Variants in BIRC6 observed in about 807,000 individuals in gnomAD.
The protein encoded by BIRC6 is dual E2 ubiquitin-conjugating enzyme/E3 ubiquitin-protein ligase BIRC6.
Under a neutral mutation model 503.3 loss-of-function variants are expected in BIRC6, and 98 were observed. The observed-to-expected ratio is 0.19, with a 90% CI of 0.17 to 0.23. The LOEUF is 0.23. Ranked by LOEUF, BIRC6 falls within the 10% of genes least tolerant of loss-of-function variation. BIRC6 has a pLI of 1.00. For synonymous variants in BIRC6, 2,240 were observed against 2,078.7 expected (o/e 1.08, Z -2.11); for missense variants, 5,360 against 5,806.0 (o/e 0.92, Z 2.50).
chr2:32,582,697 G>A (rs1046415489), intron 66 of BIRC6, among the ~76,000 whole-genome samples: 1 of 152,064 alleles, frequency 6.6e-6, no homozygotes, highest in African/African-American at 2.4e-5. Context: ...CAGAGGTTGC[G>A]GTGAGCCAAG....
intron 66 of BIRC6, among the ~76,000 whole-genome samples, chr2:32,585,251 A>G (rs533127523): frequency 2.6e-4 from 40 of 152,294 alleles, no homozygotes; most frequent in Admixed American, 9.8e-4. Context: ...GATTGTGAGG[A>G]CTCAAAATTT....
rs748275957 is a variant in BIRC6 at position 32,501,914 on chromosome 2, A to T, written c.9207+26A>T. 8 of 1,565,546 alleles carry T rather than the reference A, an allele frequency of 5.1e-6. No individual in the cohort carries two copies. In the East Asian group the frequency reaches 1.8e-4, roughly 35 times the overall value. On this transcript the variant is annotated intron_variant, in intron 47 of 73. Transcript: ENST00000421745. Reference sequence around the variant, plus strand: ...GTAAGTTCAAGCCAACAACAGTTGCAGTGATTCAAATAAATTTATTGCGAT... The same window carrying T: ...GTAAGTTCAAGCCAACAACAGTTGCTGTGATTCAAATAAATTTATTGCGAT...
intron 59 of BIRC6, chr2:32,527,372 T>C (rs1485820616): frequency 6.6e-6 from 1 of 152,210 alleles, no homozygotes; most frequent in African/African-American, 2.4e-5. Flanking sequence ...CCATGTACTT[T>C]CCCTCAGATG....
chr2:32,491,310 C>T (rs868613872), intron 43 of BIRC6, 115 bp from the exon 44 acceptor site: 4 of 1,051,824 alleles, frequency 3.8e-6, no homozygotes, highest in South Asian at 3.7e-5. Flanking sequence ...CTTTAATAAA[C>T]TGTAATTACT....
rs760928707 is a variant in BIRC6 at position 32,430,969 on chromosome 2, C to A, written c.3127C>A (p.Pro1043Thr). ...TLTPRFSATVPPCWVEVQQEQ... is the reference protein window; with the variant it reads ...TLTPRFSATVTPCWVEVQQEQ... ...GACTCCAAGGTTTTCAGCGACTGTT[C>A]CTCCATGCTGGGTAGAAGTTCAACA... The change falls in exon 12 of 74, where the codon CCT (proline) becomes ACT (threonine). Residue 1043 changes from proline (P) to threonine (T), a missense_variant. This residue lies in a region of BIRC6 where 700 missense variants were observed against 739.3 expected (regional missense o/e 0.95). Transcript: ENST00000421745. 1 of 1,613,368 alleles carries A rather than the reference C, an allele frequency of 6.2e-7. No homozygotes were observed. The highest frequency in any genetic ancestry group is 1.7e-5 in the Admixed American group (1 of 59,974).
At chr2:32,378,268 G>C (rs2037115044) in intron 2 of BIRC6, among the ~76,000 whole-genome samples, 2 of 152,014 alleles carry the variant, frequency 1.3e-5, no homozygotes, top group South Asian at 4.2e-4. Context: ...CTACTCATTT[G>C]TTCTTGTTCT....
intron 66 of BIRC6, among the ~76,000 whole-genome samples, chr2:32,593,332 A>G (rs1443717314): frequency 4.6e-5 from 7 of 152,188 alleles, no homozygotes; most frequent in African/African-American, 1.7e-4. Context: ...AATACATCCT[A>G]TTGTGATAAC....
At chr2:32,519,288 A>G (rs1394989497) in intron 57 of BIRC6, 2 of 210,402 alleles carry the variant, frequency 9.5e-6, no homozygotes, top group Non-Finnish European at 2.0e-5. Context: ...ATTCTAATTA[A>G]TACACATTTA....
At chr2:32,522,299 C>T (rs1056293571) in intron 57 of BIRC6, 2 of 151,602 alleles carry the variant, frequency 1.3e-5, no homozygotes, top group Admixed American at 6.6e-5. Context: ...GTAAATTTTA[C>T]TTTTTGGGGT....
At chr2:32,616,586 T>G (rs946721005) in intron 73 of BIRC6, among the ~76,000 whole-genome samples, 2 of 142,624 alleles carry the variant, frequency 1.4e-5, no homozygotes, top group East Asian at 2.0e-4. Flanking sequence ...AAAAAAAAAA[T>G]TCTAATGATA....
chr2:32,493,412 A>G (rs2052003316), intron 44 of BIRC6, 128 bp from the exon 45 acceptor site: 5 of 761,768 alleles, frequency 6.6e-6, no homozygotes, highest in Non-Finnish European at 8.0e-6. Flanking sequence ...CATTGTTAAT[A>G]CTTTTGTTTT....
intron 42 of BIRC6, among the ~76,000 whole-genome samples, chr2:32,489,272 A>G (rs1378724416): frequency 6.6e-6 from 1 of 152,090 alleles, no homozygotes; most frequent in Non-Finnish European, 1.5e-5. Flanking sequence ...CTTTCTCTCT[A>G]TAGTGAGGCA....
chr2:32,509,990 T>C lies in BIRC6; in HGVS notation c.10233T>C (p.Pro3411=). Residue 3411 remains proline (P), a synonymous_variant, in exon 52 of 74, where the codon CCT becomes CCC. Transcript: ENST00000421745. ...ATTGTGCAGCATCAGGCAGTGATCC[T>C]ACAGGTGATAATTAACTTTGATATT... is the stretch of plus-strand genomic sequence containing the variant. ...LRNCAASGSD[P]TDLNSPLLFG... is the part of the protein sequence containing the mutation. 6.2e-7 allele frequency: 1 copy of C among 1,613,134 alleles called. No individual in the cohort carries two copies. Among genetic ancestry groups the C allele is most frequent in the Non-Finnish European group, 8.5e-7 (1 of 1,179,646 alleles).
At chr2:32,397,693 T>TACACACAC (rs148310332) in intron 6 of BIRC6, among the ~76,000 whole-genome samples, 26 of 144,724 alleles carry the variant, frequency 1.8e-4, no homozygotes, top group African/African-American at 5.7e-4. Context: ...CATATATATG[T>TACACACAC]ACACACACAC....
chr2:32,377,513 C>A, intron 1 of BIRC6, 75 bp from the exon 2 acceptor site: 2 of 1,200,056 alleles, frequency 1.7e-6, no homozygotes. Flanking sequence ...TGTGTTTAGT[C>A]ACTATGTAAA....
intron 14 of BIRC6, 146 bp downstream of exon 14, chr2:32,435,731 A>G (rs1400015707): frequency 2.2e-6 from 2 of 892,616 alleles, no homozygotes; most frequent in Admixed American, 3.6e-5. Flanking sequence ...TGCTTTGGCA[A>G]TATGCTTTAA....
At chr2:32,434,171 C>T (rs972260014) in intron 13 of BIRC6, among the ~76,000 whole-genome samples, 8 of 152,198 alleles carry the variant, frequency 5.3e-5, no homozygotes, top group African/African-American at 1.7e-4. Context: ...TTAGTGAAGC[C>T]AGCCTTTCAT....
chr2:32,383,382 A>G (rs1403819807), intron 3 of BIRC6, among the ~76,000 whole-genome samples: 1 of 152,158 alleles, frequency 6.6e-6, no homozygotes, highest in Non-Finnish European at 1.5e-5. Flanking sequence ...AGGATGTATA[A>G]TAGTCAAGAA....
chr2:32,616,560 C>CA (rs201587938), intron 73 of BIRC6, among the ~76,000 whole-genome samples: 12,320 of 98,412 alleles, frequency 0.13, 804 homozygotes, highest in African/African-American at 0.15. Context: ...ACCTTGTTCT[C>CA]AAAAAAAAAA....
Sources: gnomAD v4.1 joint callset for allele counts (sites outside exome capture counted in the v4.1 genomes callset) on GRCh38, gnomAD v4.1.1 for gene constraint, gnomAD v4.1.1 regional missense constraint, MANE v1.5 for transcripts, NCBI Gene and HGNC (gene_info 2026-07-23, HGNC 2026-07-21) for gene names.